The following ETFA variants were observed in gnomAD, a reference collection of about 807,000 sequenced individuals.
The protein encoded by ETFA is electron transfer flavoprotein subunit alpha.
A neutral mutation model predicts 46.2 loss-of-function variants in ETFA; 22 were observed. The observed-to-expected ratio is 0.48, with a 90% confidence interval of 0.34 to 0.68. ETFA has a LOEUF of 0.68. Among genes scored for constraint, ETFA ranks in the 30% least tolerant of loss-of-function variants. The pLI is 0.01. For missense variants in ETFA, 345 were observed against 401.1 expected (o/e 0.86, Z 1.19); for synonymous variants, 131 against 139.9 (o/e 0.94, Z 0.45).
chr15:76,231,983 A>AACACACACACGTACACATACACAC (rs1555455714), intron 9 of ETFA, among the ~76,000 whole-genome samples: 3 of 152,016 alleles, frequency 2.0e-5, no homozygotes, highest in Non-Finnish European at 4.4e-5. Context: ...AGAGATTTTA[A>AACACACACACGTACACATACACAC]ACACACACAC....
intron 11 of ETFA, among the ~76,000 whole-genome samples, chr15:76,222,406 G>A (rs542899779): frequency 5.5e-4 from 83 of 151,450 alleles, no homozygotes; most frequent in African/African-American, 1.9e-3. Context: ...AAACGAGATC[G>A]CCCCAGTAAG....
At chr15:76,260,224 AT>A in intron 9 of ETFA, 1 of 1,285,032 alleles carries the variant, frequency 7.8e-7, no homozygotes, top group African/African-American at 1.5e-5. Context: ...AAGCTTTCCA[AT>A]GTGGCCTCGA....
Position 76,311,449 on chromosome 15 carries a change from C to G in ETFA, c.-61G>C. On this transcript the variant is annotated 5_prime_UTR_variant, in exon 1 of 12. Transcript: ENST00000557943. ...AGCCCCGTGCCCGGCCAACTGGCGC[C>G]GCCTCAGCCAGTCACCTAATGCTCG... The G allele has an allele frequency of 6.5e-7, 1 of 1,535,036 alleles. No individual in the cohort carries two copies. Among genetic ancestry groups the G allele is most frequent in the Non-Finnish European group, 8.8e-7 (1 of 1,139,464 alleles).
intron 1 of ETFA, among the ~76,000 whole-genome samples, chr15:76,309,302 T>A (rs1295841837): frequency 6.6e-6 from 1 of 152,076 alleles, no homozygotes; most frequent in African/African-American, 2.4e-5. Context: ...TACAAAAAAA[T>A]TAGCGGGGCG....
intron 1 of ETFA, among the ~76,000 whole-genome samples, chr15:76,306,928 GCTCT>G (rs139997371): frequency 0.021 from 3,228 of 152,182 alleles, 106 homozygotes; most frequent in African/African-American, 0.074. Flanking sequence ...ACCAAAATTG[GCTCT>G]CTTTCTTCTT....
At chr15:76,225,963 C>A in intron 10 of ETFA, 34 bp from the exon 11 acceptor site, 1 of 1,301,718 alleles carries the variant, frequency 7.7e-7, no homozygotes, top group Non-Finnish European at 1.1e-6. Flanking sequence ...TGACTTTTAC[C>A]AAGAAAACAT....
At chr15:76,261,200 T>C in intron 9 of ETFA, 3 of 1,542,104 alleles carry the variant, frequency 1.9e-6, no homozygotes, top group Non-Finnish European at 2.7e-6. Context: ...CAGACAATGG[T>C]AACAGGTTCA....
intron 9 of ETFA, chr15:76,259,101 G>A: frequency 6.5e-7 from 1 of 1,539,320 alleles, no homozygotes; most frequent in Non-Finnish European, 9.0e-7. Flanking sequence ...CAGCCCTCCA[G>A]GGGTGAGGAT....
At chr15:76,279,707 G>A (rs975812470) in intron 8 of ETFA, among the ~76,000 whole-genome samples, 1 of 152,130 alleles carries the variant, frequency 6.6e-6, no homozygotes, top group African/African-American at 2.4e-5. Context: ...TCCTTGACCT[G>A]TTAGCAGTGT....
intron 9 of ETFA, among the ~76,000 whole-genome samples, chr15:76,270,688 T>A (rs1427384364): frequency 6.6e-6 from 1 of 152,096 alleles, no homozygotes; most frequent in East Asian, 1.9e-4. Flanking sequence ...GCCTGGAACA[T>A]CTTGTCTTGT....
chr15:76,259,335 T>G, intron 9 of ETFA: 4 of 1,595,598 alleles, frequency 2.5e-6, no homozygotes, highest in Non-Finnish European at 3.4e-6. Context: ...GCTTGGGCGC[T>G]GCTTGGGGTC....
intron 8 of ETFA, among the ~76,000 whole-genome samples, chr15:76,275,364 T>C (rs1346470856): frequency 6.6e-6 from 1 of 152,220 alleles, no homozygotes; most frequent in Non-Finnish European, 1.5e-5. Context: ...AGGTTTTATT[T>C]ACCTAATAAA....
chr15:76,268,187 A>G (rs2039491805), intron 9 of ETFA, among the ~76,000 whole-genome samples: 1 of 137,072 alleles, frequency 7.3e-6, no homozygotes, highest in Non-Finnish European at 1.5e-5. Context: ...TCCCAGCTAC[A>G]GCAAAAAAAA....
rs192958165 is a variant in ETFA at position 76,263,702 on chromosome 15, G to C, written c.816+10710C>G. 1.4e-3 allele frequency among the ~76,000 whole-genome samples: 220 copies of C among 152,198 alleles called. 3 individuals are homozygous for C. The highest frequency in any genetic ancestry group is 1.9e-4 in the Non-Finnish European group (13 of 68,010). ...AGAGCAAAAATTCCAGTTTCCATTT[G>C]GTCAGTGTGGGCACTAATAAAGGTA... On this transcript the variant is annotated intron_variant, in intron 9 of 11. Coordinates refer to ENST00000557943, the MANE Select transcript of ETFA (RefSeq NM_000126.4).
At chr15:76,284,725 C>T (rs987588452) in intron 7 of ETFA, 41 of 199,934 alleles carry the variant, frequency 2.1e-4, no homozygotes, top group African/African-American at 9.6e-4. Context: ...CACTTGACCT[C>T]GGGTGATCCA....
chr15:76,291,407 T>C (rs1390501665), intron 4 of ETFA, among the ~76,000 whole-genome samples: 4 of 136,754 alleles, frequency 2.9e-5, no homozygotes, highest in Non-Finnish European at 6.1e-5. Flanking sequence ...ATTGTGCTGC[T>C]GCACTCCAGC....
chr15:76,247,050 T>C (rs1433038518), intron 9 of ETFA, among the ~76,000 whole-genome samples: 3 of 152,190 alleles, frequency 2.0e-5, no homozygotes, highest in Admixed American at 2.0e-4. Context: ...AATAAAATCA[T>C]GGTCACAGAT....
In ETFA at chr15:76,287,888, C is replaced by A. The variant is rs772716576; in HGVS notation, c.409G>T (p.Ala137Ser). ...ACAAATGTGTCAGGTGACTTGATTG[C>A]AATGATGTCAGAAATCGGGGCAACC... ...LEVAPISDII[A>S]IKSPDTFVRT... The change falls in exon 5 of 12, where the codon GCA becomes TCA. Residue 137 changes from alanine (A) to serine (S), a missense_variant. Transcript: ENST00000557943. 4 of 1,613,940 alleles carry A rather than the reference C, an allele frequency of 2.5e-6. No individual in the cohort carries two copies. The East Asian group carries it at 8.9e-5, about 36-fold the overall frequency.
At chr15:76,294,004 A>G (rs2039794084) in intron 2 of ETFA, among the ~76,000 whole-genome samples, 1 of 152,224 alleles carries the variant, frequency 6.6e-6, no homozygotes, top group South Asian at 2.1e-4. Flanking sequence ...AACGGCTGGC[A>G]TTATACAGAA....
Sources: allele counts gnomAD v4.1 joint callset (sites outside exome capture counted in the v4.1 genomes callset), GRCh38; gene constraint gnomAD v4.1.1; transcripts MANE v1.5; gene names NCBI Gene and HGNC (gene_info 2026-07-23, HGNC 2026-07-21).